Variants in FAM240B observed in about 807,000 individuals in gnomAD.
The protein encoded by FAM240B is family with sequence similarity 240 member B, also known as protein FAM240B.
chr9:38,696,149 G>T (rs965381040), intron 2 of FAM240B, among the ~76,000 whole-genome samples: 2 of 151,870 alleles, frequency 1.3e-5, no homozygotes, highest in Admixed American at 1.3e-4. Context: ...TGAGGTCCTG[G>T]GTTTAGATAA....
chr9:38,711,679 C>T (rs1821257538), intron 1 of FAM240B, among the ~76,000 whole-genome samples: 1 of 134,420 alleles, frequency 7.4e-6, no homozygotes, highest in African/African-American at 2.8e-5. Context: ...TTTTTTTTGA[C>T]AGCATCTCCC....
At chr9:38,709,780 A>AT (rs1327332864) in intron 1 of FAM240B, among the ~76,000 whole-genome samples, 1 of 152,126 alleles carries the variant, frequency 6.6e-6, no homozygotes, top group South Asian at 2.1e-4. Flanking sequence ...TTAAGCTCCT[A>AT]TTTTTTACAT....
intron 1 of FAM240B, among the ~76,000 whole-genome samples, chr9:38,709,605 G>T (rs546632086): frequency 6.6e-6 from 1 of 152,144 alleles, no homozygotes; most frequent in Non-Finnish European, 1.5e-5. Flanking sequence ...TTCTCAAGTT[G>T]TTCTCTCTGT....
At chr9:38,700,765 G>A (rs576613804) in intron 2 of FAM240B, among the ~76,000 whole-genome samples, 1 of 152,200 alleles carries the variant, frequency 6.6e-6, no homozygotes, top group African/African-American at 2.4e-5. Context: ...CAGACTCAGA[G>A]AAATTAAAGA....
intron 1 of FAM240B, among the ~76,000 whole-genome samples, chr9:38,713,766 C>T (rs1821282691): frequency 6.6e-6 from 1 of 152,112 alleles, no homozygotes; most frequent in Admixed American, 6.6e-5. Context: ...ATTGACAAGG[C>T]AAATGATAAG....
At chr9:38,709,768 G>C (rs572818120) in intron 1 of FAM240B, among the ~76,000 whole-genome samples, 1 of 152,206 alleles carries the variant, frequency 6.6e-6, no homozygotes, top group African/African-American at 2.4e-5. Flanking sequence ...AGATCTGTAA[G>C]ATTAAGCTCC....
chr9:38,694,854 C>G lies in FAM240B; in HGVS notation c.159G>C (p.Trp53Cys), dbSNP rs558984178. The G allele has an allele frequency of 2.5e-6, 1 of 398,830 alleles. No individual in the cohort carries two copies. The highest frequency in any genetic ancestry group is 1.3e-4 in the South Asian group (1 of 7,864). 24.7% of individuals were successfully genotyped at this position (398,830 alleles called of 1,614,324 possible). The change falls in exon 3 of 3, where the codon TGG (tryptophan) becomes TGC (cysteine). Residue 53 changes from tryptophan to cysteine, a missense_variant. By Grantham distance (215) the Trp-to-Cys change is radical. Coordinates refer to ENST00000637493, the MANE Select transcript of FAM240B (RefSeq NM_001394922.1). ...TCAGCCTCCTCTCCAGCCTCTGCCT[C>G]CATTCTTCTCTGAGTCTGCGGAGGG... ...RSALKKLREE[W>C]RQRLERRLRM...
At chr9:38,710,411 T>G (rs1187133777) in intron 1 of FAM240B, among the ~76,000 whole-genome samples, 1 of 152,240 alleles carries the variant, frequency 6.6e-6, no homozygotes, top group African/African-American at 2.4e-5. Flanking sequence ...ATAACTGTAG[T>G]GTCCAGAAGG....
chr9:38,700,933 C>T (rs559842940), intron 2 of FAM240B, among the ~76,000 whole-genome samples: 2 of 152,298 alleles, frequency 1.3e-5, no homozygotes, highest in East Asian at 3.9e-4. Context: ...ACACACTTCA[C>T]CCAGCTCTGG....
rs565283592 is a variant in FAM240B, at chr9:38,694,321, A to G, written c.*455T>C. On this transcript the variant is annotated 3_prime_UTR_variant, in exon 3 of 3. Transcript: ENST00000637493. Reference sequence around the variant, plus strand: ...AAGCAGTTACATTTCTGTGTTCACAAAAAGCGGGGAAAGAAGGACAAGATT... The same window carrying G: ...AAGCAGTTACATTTCTGTGTTCACAGAAAGCGGGGAAAGAAGGACAAGATT... 7 of 153,742 alleles carry G rather than the reference A, an allele frequency of 4.6e-5. No homozygotes were observed. The highest frequency in any genetic ancestry group is 1.7e-4 in the African/African-American group (7 of 41,670). 9.5% of individuals were successfully genotyped at this position (153,742 alleles called of 1,614,324 possible).
intron 1 of FAM240B, among the ~76,000 whole-genome samples, chr9:38,714,509 C>A (rs975638875): frequency 2.6e-5 from 4 of 152,112 alleles, no homozygotes; most frequent in Non-Finnish European, 5.9e-5. Flanking sequence ...ACTTGGTGAC[C>A]GAGGGGAAAG....
rs376194136 is a variant in FAM240B, at chr9:38,694,568, C to T, written c.*208G>A. Reference sequence around the variant, plus strand: ...TAGCCCAAGCGTCCTATCCCACTTGCGGTCATCCTGTCCTCTGTGCGGAGG... The same window carrying T: ...TAGCCCAAGCGTCCTATCCCACTTGTGGTCATCCTGTCCTCTGTGCGGAGG... On this transcript the variant is annotated 3_prime_UTR_variant, in exon 3 of 3. Transcript: ENST00000637493. 9.1e-5 allele frequency: 35 copies of T among 385,956 alleles called. No homozygotes were observed. The South Asian group carries it at 1.0e-3, about 11-fold the overall frequency. 23.9% of individuals were successfully genotyped at this position (385,956 alleles called of 1,614,324 possible).
chr9:38,694,903 A>T (rs966872756), intron 2 of FAM240B, 34 bp from the exon 3 acceptor site: 1 of 398,454 alleles, frequency 2.5e-6, no homozygotes, highest in African/African-American at 2.1e-5. Flanking sequence ...TGCTCAGTGC[A>T]TTTGTCTCCA....
chr9:38,695,257 G>A (rs1194807871), intron 2 of FAM240B, among the ~76,000 whole-genome samples: 4 of 152,230 alleles, frequency 2.6e-5, no homozygotes, highest in African/African-American at 9.6e-5. Context: ...GGCGGCTCAC[G>A]CATGTAATCC....
chr9:38,696,253 G>A (rs1821067004), intron 2 of FAM240B, among the ~76,000 whole-genome samples: 1 of 152,128 alleles, frequency 6.6e-6, no homozygotes, highest in Admixed American at 6.5e-5. Flanking sequence ...ACGCCACAAC[G>A]AGTATAATAC....
intron 2 of FAM240B, among the ~76,000 whole-genome samples, chr9:38,699,477 G>T (rs1417848553): frequency 6.6e-6 from 1 of 152,176 alleles, no homozygotes; most frequent in Non-Finnish European, 1.5e-5. Context: ...GAAAAGAGAG[G>T]GGGGAAGTAA....
At chr9:38,714,751 G>C (rs940150831) in intron 1 of FAM240B, among the ~76,000 whole-genome samples, 17 of 152,302 alleles carry the variant, frequency 1.1e-4, no homozygotes, top group African/African-American at 4.1e-4. Context: ...TGTTCATTTA[G>C]AAGTGTCAAG....
intron 1 of FAM240B, among the ~76,000 whole-genome samples, chr9:38,707,635 A>C (rs979710641): frequency 2.2e-5 from 3 of 134,094 alleles, no homozygotes; most frequent in Admixed American, 7.2e-5. Flanking sequence ...ACAAAAAAAA[A>C]ACCAAAAAAT....
At chr9:38,697,969 A>C (rs1380252034) in intron 2 of FAM240B, among the ~76,000 whole-genome samples, 1 of 152,238 alleles carries the variant, frequency 6.6e-6, no homozygotes, top group Admixed American at 6.5e-5. Flanking sequence ...CCATTTTGTA[A>C]ATAAGGTTTT....
Sources: gnomAD v4.1 joint callset for allele counts (sites outside exome capture counted in the v4.1 genomes callset) on GRCh38, gnomAD v4.1.1 for gene constraint, MANE v1.5 for transcripts, NCBI Gene and HGNC (gene_info 2026-07-23, HGNC 2026-07-21) for gene names.